The following RCAN3 variants were observed in gnomAD, a reference collection of about 807,000 sequenced individuals.
RCAN3 encodes calcipressin-3.
RCAN3 carries 19 observed loss-of-function variants against 21.9 expected under a neutral mutation model. The ratio of observed to expected loss-of-function variants is 0.87; its 90% CI spans 0.61 to 1.27. RCAN3 has a LOEUF of 1.27. Ranked by LOEUF, RCAN3 falls within the 50% of genes most tolerant of loss-of-function variation. RCAN3 has a pLI of 0.00. For missense variants in RCAN3, 240 were observed against 300.1 expected (o/e 0.80, Z 1.48); for synonymous variants, 114 against 112.3 (o/e 1.01, Z -0.09).
chr1:24,529,855 A>G (rs1412871963), intron 2 of RCAN3, among the ~76,000 whole-genome samples: 1 of 151,544 alleles, frequency 6.6e-6, no homozygotes. Context: ...CCTGCCTTCT[A>G]TTTTAAAAAA....
At chr1:24,510,967 T>A (rs1647829038) in intron 1 of RCAN3, among the ~76,000 whole-genome samples, 2 of 151,574 alleles carry the variant, frequency 1.3e-5, no homozygotes, top group Non-Finnish European at 2.9e-5. Context: ...AGGGAGAGAG[T>A]CGGGGAAATG....
intron 2 of RCAN3, among the ~76,000 whole-genome samples, chr1:24,529,944 T>C (rs937870803): frequency 6.7e-6 from 1 of 149,622 alleles, no homozygotes; most frequent in South Asian, 2.1e-4. Flanking sequence ...TTTGGGAGGC[T>C]GAGGCAGGAG....
rs940736112 is a variant in RCAN3, at chr1:24,534,626, A to G, written c.542-467A>G. On this transcript the variant is annotated intron_variant, in intron 4 of 4. Coordinates refer to ENST00000374395, the MANE Select transcript of RCAN3 (RefSeq NM_013441.4). Reference sequence around the variant, plus strand: ...CATCTCAAAAAAAAGAAAAAAAAAAACCATCTCGACTGAAAATACAAAAAT... The same window carrying G: ...CATCTCAAAAAAAAGAAAAAAAAAAGCCATCTCGACTGAAAATACAAAAAT... Among the ~76,000 whole-genome samples, 3 of 148,378 alleles carry G rather than the reference A, an allele frequency of 2.0e-5. 1 individual carries two copies. The highest frequency in any genetic ancestry group is 6.7e-5 in the Admixed American group (1 of 14,910).
intron 1 of RCAN3, among the ~76,000 whole-genome samples, chr1:24,505,202 T>G (rs1180141343): frequency 6.6e-6 from 1 of 150,946 alleles, no homozygotes; most frequent in Non-Finnish European, 1.5e-5. Flanking sequence ...GGCTTTTTGT[T>G]GTTGCTTTGT....
chr1:24,518,484 C>T (rs1284478133), intron 2 of RCAN3, among the ~76,000 whole-genome samples: 1 of 152,124 alleles, frequency 6.6e-6, no homozygotes, highest in Admixed American at 6.5e-5. Context: ...TCAATAGCTC[C>T]ATCAGGAGTG....
chr1:24,503,278 G>C (rs1248754080), intron 1 of RCAN3, 128 bp downstream of exon 1: 1 of 143,294 alleles, frequency 7.0e-6, no homozygotes, highest in Admixed American at 7.0e-5. Context: ...ACTCCGAGCC[G>C]CGGGACCGGG....
intron 2 of RCAN3, among the ~76,000 whole-genome samples, chr1:24,523,011 T>A (rs1648939947): frequency 6.6e-6 from 1 of 152,054 alleles, no homozygotes; most frequent in African/African-American, 2.4e-5. Flanking sequence ...TCAAAAGTGG[T>A]CAAATATCAG....
At chr1:24,516,037 G>A in intron 2 of RCAN3, among the ~76,000 whole-genome samples, 1 of 152,144 alleles carries the variant, frequency 6.6e-6, no homozygotes, top group East Asian at 1.9e-4. Flanking sequence ...CAGCTACTCA[G>A]GAGGCTGAGA....
chr1:24,512,187 A>G (rs1647945653), intron 1 of RCAN3, among the ~76,000 whole-genome samples: 1 of 152,050 alleles, frequency 6.6e-6, no homozygotes, highest in Admixed American at 6.5e-5. Flanking sequence ...TGTCTCTACT[A>G]AAAATACAAA....
intron 2 of RCAN3, among the ~76,000 whole-genome samples, chr1:24,522,043 GT>G (rs1000662193): frequency 6.6e-6 from 1 of 152,004 alleles, no homozygotes; most frequent in Admixed American, 6.6e-5. Flanking sequence ...TTTAAAAATG[GT>G]TAAATGATAA....
At chr1:24,514,159 CACTT>C (rs1648105820) in intron 1 of RCAN3, among the ~76,000 whole-genome samples, 151 bp from the exon 2 acceptor site, 1 of 152,166 alleles carries the variant, frequency 6.6e-6, no homozygotes, top group Non-Finnish European at 1.5e-5. Context: ...ATCTAGAATT[CACTT>C]ACGAGGACTG....
intron 1 of RCAN3, among the ~76,000 whole-genome samples, chr1:24,510,974 A>G (rs1436361819): frequency 6.6e-6 from 1 of 152,144 alleles, no homozygotes; most frequent in East Asian, 1.9e-4. Flanking sequence ...GAGTCGGGGA[A>G]ATGGCCTCAC....
At chr1:24,533,529 G>A (rs111556164) in intron 4 of RCAN3, among the ~76,000 whole-genome samples, 92 of 152,328 alleles carry the variant, frequency 6.0e-4, no homozygotes, top group Middle Eastern at 3.4e-3. Context: ...GCCAGGTGTG[G>A]TGGCCCACGC....
chr1:24,540,798 A>C lies in RCAN3; in HGVS notation c.*5521A>C, dbSNP rs952954717. On this transcript the variant is annotated 3_prime_UTR_variant, in exon 5 of 5. Coordinates refer to ENST00000374395, the MANE Select transcript of RCAN3 (RefSeq NM_013441.4). The stretch of plus-strand genomic sequence containing the variant: ...AGTGCATACTCTTTGTATTGCAAAA[A>C]ACTGGTCAGTAATTTATGTACATGT... 1 of 152,188 alleles carries C rather than the reference A, an allele frequency of 6.6e-6. No individual in the cohort carries two copies. 9.4% of individuals were successfully genotyped at this position (152,188 alleles called of 1,614,324 possible).
intron 2 of RCAN3, among the ~76,000 whole-genome samples, chr1:24,521,761 T>C (rs946448622): frequency 6.6e-6 from 1 of 152,092 alleles, no homozygotes; most frequent in Admixed American, 6.6e-5. Flanking sequence ...GGCAGGAGAA[T>C]CGCTTGAACC....
intron 4 of RCAN3, among the ~76,000 whole-genome samples, chr1:24,533,981 C>T (rs2148914337): frequency 6.6e-6 from 1 of 152,300 alleles, no homozygotes; most frequent in East Asian, 1.9e-4. Context: ...GAATATATTA[C>T]AAGGAATTGG....
chr1:24,536,825 T>C lies in RCAN3; in HGVS notation c.*1548T>C, dbSNP rs1351680517. 1.3e-5 allele frequency: 2 copies of C among 151,934 alleles called. No individual in the cohort carries two copies. The highest frequency in any genetic ancestry group is 2.9e-5 in the Non-Finnish European group (2 of 67,964). The allele number at this position is 151,934 out of a possible 1,614,324, so 9.4% of individuals were successfully genotyped here. On this transcript the variant is annotated 3_prime_UTR_variant, in exon 5 of 5. Coordinates refer to ENST00000374395, the MANE Select transcript of RCAN3 (RefSeq NM_013441.4). ...TTGCATACCCCTAATTTTTTTTTTT[T>C]CTGTATCTTCCTTGCCCTCAAATAC...
intron 2 of RCAN3, among the ~76,000 whole-genome samples, chr1:24,524,764 G>T (rs1157632128): frequency 1.3e-5 from 2 of 151,848 alleles, no homozygotes; most frequent in Non-Finnish European, 2.9e-5. Context: ...CTGCTGAATG[G>T]ATCAAGCCAT....
At chr1:24,523,728 C>T (rs1649022768) in intron 2 of RCAN3, among the ~76,000 whole-genome samples, 1 of 151,672 alleles carries the variant, frequency 6.6e-6, no homozygotes, top group Admixed American at 6.6e-5. Context: ...TGCAACCTCC[C>T]CTTCCTGGGT....
Sources: gnomAD v4.1 joint callset for allele counts (sites outside exome capture counted in the v4.1 genomes callset) on GRCh38, gnomAD v4.1.1 for gene constraint, MANE v1.5 for transcripts, NCBI Gene and HGNC (gene_info 2026-07-23, HGNC 2026-07-21) for gene names.